The following TAFA5 variants were observed in gnomAD, a reference collection of about 807,000 sequenced individuals.
The protein encoded by TAFA5 is chemokine-like protein TAFA-5.
Under a neutral mutation model 15.3 loss-of-function variants are expected in TAFA5, and 6 were observed. The ratio of observed to expected loss-of-function variants is 0.39; its 90% CI spans 0.21 to 0.77. The LOEUF (loss-of-function observed/expected upper bound fraction) is 0.77, where lower values mean the gene tolerates loss of function less well. Ranked by LOEUF, TAFA5 falls within the 30% of genes least tolerant of loss-of-function variation. TAFA5 has a pLI of 0.41. For missense variants in TAFA5, 161 were observed against 193.1 expected, an observed-to-expected ratio of 0.83 and a Z score of 0.98; for synonymous variants, 103 against 80.7, an observed-to-expected ratio of 1.28 and a Z score of -1.48.
intron 1 of TAFA5, among the ~76,000 whole-genome samples, chr22:48,528,326 G>T (rs1397647502): frequency 6.6e-6 from 1 of 152,168 alleles, no homozygotes; most frequent in East Asian, 1.9e-4. Context: ...TGCCACCTGG[G>T]TGCATCGTGT....
rs115772232 is a variant in TAFA5 at position 48,544,879 on chromosome 22, G to A, written c.112+55175G>A. On this transcript the variant is annotated intron_variant, in intron 1 of 3. Transcript: ENST00000402357. ...CCCTGAGGGATCCTGAAGTAAGCCA[G>A]ACTCGGGGCTGAAGTCTGCATCTGT... 788 of 470,892 alleles carry A rather than the reference G, an allele frequency of 1.7e-3. 4 individuals are homozygous for A. Among genetic ancestry groups the A allele is most frequent in the African/African-American group, 0.015 (735 of 50,000 alleles). 29.2% of individuals were successfully genotyped at this position (470,892 alleles called of 1,614,324 possible). A position where few individuals can be genotyped will look rare whatever the true frequency, so the allele number is the denominator to read the frequency against.
chr22:48,509,051 G>T (rs1384339314), intron 1 of TAFA5, among the ~76,000 whole-genome samples: 1 of 152,148 alleles, frequency 6.6e-6, no homozygotes, highest in Non-Finnish European at 1.5e-5. Context: ...GTATGAATGA[G>T]AACAGGAGGT....
At chr22:48,684,021 A>T (rs188300319) in intron 2 of TAFA5, among the ~76,000 whole-genome samples, 315 of 152,192 alleles carry the variant, frequency 2.1e-3, no homozygotes, top group Middle Eastern at 6.8e-3. Context: ...TTTTCTTTAT[A>T]AATTACCCAG....
intron 1 of TAFA5, among the ~76,000 whole-genome samples, chr22:48,542,310 GTGTA>G (rs1922430861): frequency 1.4e-5 from 2 of 138,876 alleles, no homozygotes; most frequent in African/African-American, 2.7e-5. Flanking sequence ...TGTGTGTAGT[GTGTA>G]TGTGTGTGTG....
intron 1 of TAFA5, among the ~76,000 whole-genome samples, chr22:48,546,321 G>A (rs1051148711): frequency 5.9e-5 from 9 of 152,206 alleles, no homozygotes; most frequent in Admixed American, 3.3e-4. Flanking sequence ...GTGCCTGCCC[G>A]TCCCAGGGCA....
intron 1 of TAFA5, among the ~76,000 whole-genome samples, chr22:48,624,989 C>T (rs1274183450): frequency 6.6e-6 from 1 of 152,018 alleles, no homozygotes; most frequent in Admixed American, 6.6e-5. Context: ...GTGGCGGGCA[C>T]CTGTAATCCC....
chr22:48,638,816 C>A (rs562205758), intron 1 of TAFA5, among the ~76,000 whole-genome samples: 2 of 143,974 alleles, frequency 1.4e-5, no homozygotes, highest in East Asian at 4.2e-4. Context: ...AGGGGGGACC[C>A]CGACACTAAG....
chr22:48,590,923 C>T (rs1303213504), intron 1 of TAFA5, among the ~76,000 whole-genome samples: 2 of 151,572 alleles, frequency 1.3e-5, no homozygotes, highest in African/African-American at 4.9e-5. Flanking sequence ...ATGATCTTGG[C>T]TCACTGCAAC....
rs995226820 is a variant in TAFA5, at chr22:48,693,513, C to T, written c.263-14204C>T. ...CATAGCCTGAGGTCCCAGAGGAGAC[C>T]AGCAGGTGAGGCCCGCAGGAGGGGC... On this transcript the variant is annotated intron_variant, in intron 2 of 3. Coordinates refer to ENST00000402357, the MANE Select transcript of TAFA5 (RefSeq NM_001082967.3). 2.6e-5 allele frequency: 39 copies of T among 1,514,180 alleles called. No homozygotes were observed. The South Asian group carries it at 4.8e-4, about 19-fold the overall frequency. 93.8% of individuals were successfully genotyped at this position (1,514,180 alleles called of 1,614,324 possible).
chr22:48,501,565 G>A (rs1269352471), intron 1 of TAFA5, among the ~76,000 whole-genome samples: 4 of 151,562 alleles, frequency 2.6e-5, no homozygotes, highest in Non-Finnish European at 4.4e-5. Context: ...TGCCCGGGGA[G>A]AGATAGAGGA....
chr22:48,740,152 A>T (rs964265017), intron 3 of TAFA5, among the ~76,000 whole-genome samples: 1 of 152,136 alleles, frequency 6.6e-6, no homozygotes, highest in Non-Finnish European at 1.5e-5. Context: ...GAGAGGGTGA[A>T]TGGATGCTCG....
chr22:48,575,042 G>A (rs2147140466), intron 1 of TAFA5, among the ~76,000 whole-genome samples: 1 of 152,288 alleles, frequency 6.6e-6, no homozygotes, highest in South Asian at 2.1e-4. Flanking sequence ...CCAGGCAGAT[G>A]TGCCGTTTTC....
chr22:48,492,751 C>T (rs1359037883), intron 1 of TAFA5, among the ~76,000 whole-genome samples: 1 of 152,168 alleles, frequency 6.6e-6, no homozygotes, highest in Non-Finnish European at 1.5e-5. Flanking sequence ...TTGGTTTCCT[C>T]CGCGGCCGGT....
rs1921935531 is a variant in TAFA5, at chr22:48,530,485, G to T, written c.112+40781G>T. Among the ~76,000 whole-genome samples, 1 of 152,174 alleles carries T rather than the reference G, an allele frequency of 6.6e-6. No homozygotes were observed. Among genetic ancestry groups the T allele is most frequent in the Non-Finnish European group, 1.5e-5 (1 of 68,036 alleles). ...ATACTCTGGCCAGGGACCTTGGGAT[G>T]GTTCAGGGGAACCTGCTGCAGGTTT... On this transcript the variant is annotated intron_variant, in intron 1 of 3. Transcript: ENST00000402357. The surrounding 1 kb of genome is among the most constrained non-coding windows in gnomAD (Gnocchi z 6.0).
chr22:48,637,783 C>A (rs2147194914), intron 1 of TAFA5, among the ~76,000 whole-genome samples: 2 of 152,080 alleles, frequency 1.3e-5, no homozygotes, highest in South Asian at 4.2e-4. Context: ...GTCCCCAACA[C>A]TTTCACAGCC....
intron 1 of TAFA5, among the ~76,000 whole-genome samples, chr22:48,517,135 A>G (rs563020088): frequency 6.6e-6 from 1 of 152,106 alleles, no homozygotes; most frequent in Non-Finnish European, 1.5e-5. Flanking sequence ...CAGCCCCGGA[A>G]GCTCCTGCTC....
intron 1 of TAFA5, among the ~76,000 whole-genome samples, chr22:48,624,038 C>T (rs909821461): frequency 1.3e-5 from 2 of 152,184 alleles, no homozygotes; most frequent in Non-Finnish European, 2.9e-5. Flanking sequence ...CAGGATCCCA[C>T]GTGGTATTAT....
chr22:48,690,804 C>T (rs987254992), intron 2 of TAFA5, among the ~76,000 whole-genome samples: 1 of 152,202 alleles, frequency 6.6e-6, no homozygotes, highest in African/African-American at 2.4e-5. Context: ...GCCCAGGAGG[C>T]TGTGGGCTGA....
intron 3 of TAFA5, among the ~76,000 whole-genome samples, chr22:48,725,900 A>G (rs374190071): frequency 6.6e-6 from 1 of 152,190 alleles, no homozygotes; most frequent in East Asian, 1.9e-4. Flanking sequence ...TGTTGGAAAG[A>G]AAGTTACTCG....
Sources: gnomAD v4.1 joint callset for allele counts (sites outside exome capture counted in the v4.1 genomes callset) on GRCh38, gnomAD v4.1.1 for gene constraint, Gnocchi (gnomAD v3.1) non-coding constraint, MANE v1.5 for transcripts, NCBI Gene and HGNC (gene_info 2026-07-23, HGNC 2026-07-21) for gene names.